The following TCF4 variants were observed in gnomAD, a reference collection of about 807,000 sequenced individuals.
TCF4 encodes transcription factor 4.
TCF4 carries 3 observed loss-of-function variants against 82.1 expected under a neutral mutation model. The ratio of observed to expected loss-of-function variants is 0.04; its 90% confidence interval spans 0.02 to 0.09. The LOEUF is 0.09. Ranked by LOEUF, TCF4 falls within the 10% of genes least tolerant of loss-of-function variation. TCF4 has a pLI of 1.00. For synonymous variants in TCF4, 276 were observed against 309.6 expected, an observed-to-expected ratio of 0.89 and a Z score of 1.14; for missense variants, 518 against 852.7, an observed-to-expected ratio of 0.61 and a Z score of 4.89.
chr18:55,288,194 T>C (rs2064142293), intron 8 of TCF4, among the ~76,000 whole-genome samples: 1 of 152,204 alleles, frequency 6.6e-6, no homozygotes, highest in African/African-American at 2.4e-5. Context: ...TTTCCAATAT[T>C]ATCCTACTGA....
rs574437025 is a variant in TCF4, at chr18:55,585,527, C to T, written c.73-175G>A. 5.6e-4 allele frequency: 385 copies of T among 681,638 alleles called. 6 individuals are homozygous for T. The South Asian group carries it at 6.8e-3, about 12-fold the overall frequency. The allele number at this position is 681,638 out of a possible 1,614,324, so 42.2% of individuals were successfully genotyped here. A position where few individuals can be genotyped will look rare whatever the true frequency, so the allele number is the denominator to read the frequency against. On this transcript the variant is annotated intron_variant, in intron 2 of 19. Transcript: ENST00000354452. Reference sequence around the variant, plus strand: ...AAGAGAAACAACATTACAGATCCCACCCCAGCCCCCATTATCACTCTGTTC... The same window carrying T: ...AAGAGAAACAACATTACAGATCCCATCCCAGCCCCCATTATCACTCTGTTC...
At chr18:55,388,752 A>T (rs2092812833) in intron 6 of TCF4, among the ~76,000 whole-genome samples, 1 of 152,208 alleles carries the variant, frequency 6.6e-6, no homozygotes. Flanking sequence ...TTTGTTCCCC[A>T]GTCCCATCTC....
chr18:55,515,933 A>G (rs1490497225), intron 3 of TCF4, among the ~76,000 whole-genome samples: 2 of 152,174 alleles, frequency 1.3e-5, no homozygotes, highest in Non-Finnish European at 2.9e-5. Context: ...GTGATTCCGG[A>G]GAAAGACTCC....
chr18:55,460,693 C>T (rs911808099), intron 5 of TCF4, among the ~76,000 whole-genome samples: 1 of 152,198 alleles, frequency 6.6e-6, no homozygotes, highest in Admixed American at 6.5e-5. Flanking sequence ...ATATTCACCA[C>T]TTTGACTTCA....
chr18:55,356,520 T>A (rs189057905), intron 6 of TCF4, among the ~76,000 whole-genome samples: 10 of 152,330 alleles, frequency 6.6e-5, no homozygotes, highest in Non-Finnish European at 1.3e-4. Context: ...CTGCTACTGT[T>A]AATTCAACTA....
At chr18:55,313,918 T>C (rs2073340698) in intron 8 of TCF4, among the ~76,000 whole-genome samples, 1 of 152,140 alleles carries the variant, frequency 6.6e-6, no homozygotes, top group Admixed American at 6.5e-5. Flanking sequence ...TCAATCCTAC[T>C]TCAATGAGTT....
chr18:55,363,388 T>G (rs2145279392), intron 6 of TCF4, among the ~76,000 whole-genome samples: 1 of 152,286 alleles, frequency 6.6e-6, no homozygotes, highest in South Asian at 2.1e-4. Flanking sequence ...AATGCAAAGG[T>G]TAAAACATAA....
intron 6 of TCF4, among the ~76,000 whole-genome samples, chr18:55,361,546 C>T (rs764931660): frequency 9.9e-5 from 15 of 152,216 alleles, no homozygotes; most frequent in Admixed American, 3.3e-4. Flanking sequence ...TCTTCCCATT[C>T]CACAGCAGAG....
chr18:55,282,532 T>C (rs1361582196), intron 8 of TCF4, among the ~76,000 whole-genome samples: 1 of 152,110 alleles, frequency 6.6e-6, no homozygotes, highest in East Asian at 1.9e-4. Context: ...CAATAAGGTA[T>C]TTAATACTGA....
intron 17 of TCF4, chr18:55,230,425 C>T (rs56997593): frequency 0.11 from 16,386 of 152,148 alleles, 1,007 homozygotes; most frequent in African/African-American, 0.13. Flanking sequence ...GAAGTGTGCA[C>T]GACGTCTTGT....
intron 3 of TCF4, among the ~76,000 whole-genome samples, chr18:55,481,434 C>CTG (rs1289191780): frequency 6.6e-6 from 1 of 152,198 alleles, no homozygotes; most frequent in Non-Finnish European, 1.5e-5. Flanking sequence ...CTCAGGTAGA[C>CTG]TGTATTATCC....
chr18:55,596,875 G>C (rs1436954694), intron 2 of TCF4, among the ~76,000 whole-genome samples: 1 of 152,084 alleles, frequency 6.6e-6, no homozygotes, highest in African/African-American at 2.4e-5. Flanking sequence ...GGGTGATATG[G>C]TTTGTCTCTG....
chr18:55,532,141 G>T (rs540738798), intron 3 of TCF4, among the ~76,000 whole-genome samples: 3 of 152,122 alleles, frequency 2.0e-5, no homozygotes, highest in Non-Finnish European at 4.4e-5. Context: ...GCCACATAAG[G>T]TCCATATATC....
intron 6 of TCF4, among the ~76,000 whole-genome samples, chr18:55,390,811 G>A (rs1208918531): frequency 6.6e-6 from 1 of 152,152 alleles, no homozygotes; most frequent in African/African-American, 2.4e-5. Flanking sequence ...TCTGCAAAAG[G>A]ACATTAAGAA....
At chr18:55,489,416 G>A (rs548210940) in intron 3 of TCF4, among the ~76,000 whole-genome samples, 1 of 152,240 alleles carries the variant, frequency 6.6e-6, no homozygotes, top group South Asian at 2.1e-4. Flanking sequence ...AGCTGCAGTT[G>A]AAGAGAAGAT....
intron 3 of TCF4, among the ~76,000 whole-genome samples, chr18:55,560,509 G>A (rs767010972): frequency 1.3e-5 from 2 of 152,272 alleles, no homozygotes; most frequent in Non-Finnish European, 1.5e-5. Flanking sequence ...CCGAAGCCAC[G>A]TGACTTCTCC....
chr18:55,253,395 C>T (rs2055840418), intron 15 of TCF4, among the ~76,000 whole-genome samples: 1 of 152,146 alleles, frequency 6.6e-6, no homozygotes, highest in Non-Finnish European at 1.5e-5. Context: ...AAATAGGACA[C>T]TAAGGTGCTT....
chr18:55,487,196 G>A (rs577561919), intron 3 of TCF4, among the ~76,000 whole-genome samples: 16 of 152,246 alleles, frequency 1.1e-4, no homozygotes, highest in African/African-American at 3.6e-4. Context: ...TGGCTGTCGA[G>A]TCTCGTGTCT....
intron 3 of TCF4, among the ~76,000 whole-genome samples, chr18:55,560,158 G>A (rs1032455448): frequency 6.6e-6 from 1 of 152,174 alleles, no homozygotes; most frequent in Admixed American, 6.5e-5. Flanking sequence ...AACCAGGGCT[G>A]TACAGACGAT....
Sources: gnomAD v4.1 joint callset for allele counts (sites outside exome capture counted in the v4.1 genomes callset) on GRCh38, gnomAD v4.1.1 for gene constraint, MANE v1.5 for transcripts, NCBI Gene and HGNC (gene_info 2026-07-23, HGNC 2026-07-21) for gene names.